Variants in CPEB3 observed in about 807,000 individuals in gnomAD.
CPEB3 encodes the protein cytoplasmic polyadenylation element-binding protein 3.
CPEB3 carries 20 observed loss-of-function variants against 67.2 expected under a neutral mutation model. The ratio of observed to expected loss-of-function variants is 0.30; its 90% confidence interval spans 0.21 to 0.43. CPEB3 has a LOEUF of 0.43. Among genes scored for constraint, CPEB3 ranks in the 20% least tolerant of loss-of-function variants. The pLI, the probability that CPEB3 is intolerant of heterozygous loss-of-function variation, is 1.00. For missense variants in CPEB3, 746 were observed against 968.6 expected (o/e 0.77, Z 3.05); for synonymous variants, 376 against 393.1 (o/e 0.96, Z 0.51).
At chr10:92,200,699 T>C (rs1388999281) in intron 2 of CPEB3, among the ~76,000 whole-genome samples, 1 of 151,968 alleles carries the variant, frequency 6.6e-6, no homozygotes, top group Admixed American at 6.6e-5. Flanking sequence ...AAGCTAAGGT[T>C]CTGGAGAAGT....
intron 2 of CPEB3, among the ~76,000 whole-genome samples, chr10:92,211,767 T>C (rs1032851920): frequency 1.3e-5 from 2 of 151,932 alleles, no homozygotes; most frequent in Non-Finnish European, 2.9e-5. Flanking sequence ...GGTTTTGAAC[T>C]CCTGACCTCA....
At chr10:92,288,857 T>G (rs1842657531) in intron 1 of CPEB3, among the ~76,000 whole-genome samples, 1 of 152,222 alleles carries the variant, frequency 6.6e-6, no homozygotes, top group African/African-American at 2.4e-5. Flanking sequence ...AGGAAGTATA[T>G]ATCCAACTCC....
chr10:92,154,355 C>T (rs1847105879), intron 4 of CPEB3, among the ~76,000 whole-genome samples: 1 of 139,832 alleles, frequency 7.2e-6, no homozygotes, highest in Admixed American at 7.5e-5. Flanking sequence ...TATTTTTAAA[C>T]TATATGTAAT....
chr10:92,055,427 C>G (rs1337483514), intron 9 of CPEB3, among the ~76,000 whole-genome samples: 1 of 152,142 alleles, frequency 6.6e-6, no homozygotes, highest in African/African-American at 2.4e-5. Flanking sequence ...CTTTTTGGTG[C>G]CAACATATCT....
In CPEB3 at chr10:92,101,731, AC is replaced by A. The variant is rs1399977743; in HGVS notation, c.1572+9344del. On this transcript the variant is annotated intron_variant, in intron 7 of 9. Coordinates refer to ENST00000265997, the MANE Select transcript of CPEB3 (RefSeq NM_014912.5). ...AGACCAGCCTGGCCAACTTGGTGAA[AC>A]CCCCATCTCTACTAAAAATACAAAA... 2.6e-5 allele frequency among the ~76,000 whole-genome samples: 4 copies of A among 152,128 alleles called. No homozygotes were observed. The East Asian group carries it at 7.7e-4, about 29-fold the overall frequency.
intron 9 of CPEB3, among the ~76,000 whole-genome samples, chr10:92,060,517 T>C (rs1842301039): frequency 6.6e-6 from 1 of 151,756 alleles, no homozygotes; most frequent in African/African-American, 2.4e-5. Flanking sequence ...AATGGACAAA[T>C]AGGATCACAT....
At chr10:92,197,258 A>C (rs1849285960) in intron 2 of CPEB3, among the ~76,000 whole-genome samples, 1 of 152,232 alleles carries the variant, frequency 6.6e-6, no homozygotes, top group Non-Finnish European at 1.5e-5. Flanking sequence ...TGCCTCATCA[A>C]CTTATATTTG....
chr10:92,144,001 T>C (rs1288584174), intron 5 of CPEB3, among the ~76,000 whole-genome samples: 4 of 152,198 alleles, frequency 2.6e-5, no homozygotes, highest in Admixed American at 2.6e-4. Context: ...TGTTAGAATA[T>C]CAGACAGTAT....
intron 1 of CPEB3, among the ~76,000 whole-genome samples, chr10:92,255,199 A>T (rs1037936529): frequency 6.6e-6 from 1 of 152,132 alleles, no homozygotes; most frequent in Non-Finnish European, 1.5e-5. Flanking sequence ...GTGGTCTAGA[A>T]CCCATTCCTT....
At chr10:92,199,183 G>A (rs913245719) in intron 2 of CPEB3, among the ~76,000 whole-genome samples, 1 of 151,046 alleles carries the variant, frequency 6.6e-6, no homozygotes, top group East Asian at 2.0e-4. Context: ...CCTGAGGTCG[G>A]GAGTTCGAGA....
chr10:92,219,610 G>C (rs1850599278), intron 2 of CPEB3, among the ~76,000 whole-genome samples: 1 of 152,078 alleles, frequency 6.6e-6, no homozygotes, highest in Admixed American at 6.6e-5. Flanking sequence ...CAGAATATCA[G>C]ATATCCCGTT....
intron 4 of CPEB3, among the ~76,000 whole-genome samples, chr10:92,179,950 T>G (rs1318595706): frequency 6.6e-6 from 1 of 152,264 alleles, no homozygotes; most frequent in Non-Finnish European, 1.5e-5. Flanking sequence ...GTCTCCCATG[T>G]GTATTGAGAG....
intron 9 of CPEB3, among the ~76,000 whole-genome samples, chr10:92,080,830 G>A (rs1843123018): frequency 6.6e-6 from 1 of 152,040 alleles, no homozygotes; most frequent in Non-Finnish European, 1.5e-5. Context: ...TCGATCTCCT[G>A]ATTCATGATC....
chr10:92,161,721 G>A (rs1378396171), intron 4 of CPEB3, among the ~76,000 whole-genome samples: 1 of 152,208 alleles, frequency 6.6e-6, no homozygotes, highest in Non-Finnish European at 1.5e-5. Flanking sequence ...CTGGAGTGCA[G>A]TGGCATGATC....
intron 6 of CPEB3, among the ~76,000 whole-genome samples, chr10:92,128,426 T>C (rs572506364): frequency 6.6e-6 from 1 of 152,346 alleles, no homozygotes; most frequent in Non-Finnish European, 1.5e-5. Flanking sequence ...AAGCTTGGCC[T>C]AGATGACCAA....
chr10:92,289,751 A>ATATTATAAATG (rs1554944344), intron 1 of CPEB3, among the ~76,000 whole-genome samples: 4 of 119,230 alleles, frequency 3.4e-5, no homozygotes, highest in African/African-American at 1.3e-4. Flanking sequence ...ATATATATAT[A>ATATTATAAATG]TATATATGTA....
chr10:92,220,785 AGAAACAAAGTAACAGATG>A (rs1850661240), intron 2 of CPEB3, among the ~76,000 whole-genome samples: 1 of 152,240 alleles, frequency 6.6e-6, no homozygotes, highest in South Asian at 2.1e-4. Context: ...GTTTACCAAT[AGAAACAAAGTAACAGATG>A]ATGGTTAGGT....
At chr10:92,056,818 T>C (rs767809142) in intron 9 of CPEB3, among the ~76,000 whole-genome samples, 7 of 152,206 alleles carry the variant, frequency 4.6e-5, no homozygotes, top group Non-Finnish European at 7.3e-5. Flanking sequence ...AAGAGACCTC[T>C]TCCTTCAGTT....
chr10:92,181,062 A>C (rs1848436032), intron 3 of CPEB3, 43 bp from the exon 4 acceptor site: 1 of 1,023,862 alleles, frequency 9.8e-7, no homozygotes, highest in Non-Finnish European at 1.5e-6. Flanking sequence ...TGTTTAATGT[A>C]ATCATTTCAA....
Sources: gnomAD v4.1 joint callset for allele counts (sites outside exome capture counted in the v4.1 genomes callset) on GRCh38, gnomAD v4.1.1 for gene constraint, MANE v1.5 for transcripts, NCBI Gene and HGNC (gene_info 2026-07-23, HGNC 2026-07-21) for gene names.